Variants in CERCAM observed in about 807,000 individuals in gnomAD.
CERCAM encodes cerebral endothelial cell adhesion molecule, also known as inactive glycosyltransferase 25 family member 3.
Under a neutral mutation model 66.0 loss-of-function variants are expected in CERCAM, and 59 were observed. The ratio of observed to expected loss-of-function variants is 0.89; its 90% CI spans 0.73 to 1.11. The LOEUF is 1.11. CERCAM is among the 50% of genes most tolerant of loss of function. The pLI is 0.00. For missense variants in CERCAM, 840 were observed against 828.3 expected, an observed-to-expected ratio of 1.01 and a Z score of -0.17; for synonymous variants, 318 against 343.6, an observed-to-expected ratio of 0.93 and a Z score of 0.83.
intron 9 of CERCAM, among the ~76,000 whole-genome samples, chr9:128,432,624 G>C (rs537540282): frequency 5.3e-5 from 8 of 150,572 alleles, no homozygotes; most frequent in Non-Finnish European, 8.9e-5. Context: ...GAGCTCAAGT[G>C]ATTCCACCCA....
intron 9 of CERCAM, chr9:128,431,906 G>C (rs1184884011): frequency 2.6e-5 from 4 of 152,922 alleles, no homozygotes; most frequent in Non-Finnish European, 1.5e-5. Flanking sequence ...CACGGCAGGA[G>C]AGAATGGGAA....
At chr9:128,426,489 G>A (rs1024909360) in intron 5 of CERCAM, among the ~76,000 whole-genome samples, 35 of 151,672 alleles carry the variant, frequency 2.3e-4, no homozygotes, top group Non-Finnish European at 3.7e-4. Flanking sequence ...GCATGGTGGC[G>A]GGTGCCTATA....
chr9:128,425,815 CTTTTTTTTTTT>C (rs75397129), intron 5 of CERCAM, among the ~76,000 whole-genome samples: 9 of 107,440 alleles, frequency 8.4e-5, no homozygotes, highest in Non-Finnish European at 1.2e-4. Context: ...CCAGCCCAGC[CTTTTTTTTTTT>C]TTTTTTTTTT....
rs879106625 is a variant in CERCAM at position 128,422,997 on chromosome 9, G to T, written c.308+19G>T. 5 of 1,613,516 alleles carry T rather than the reference G, an allele frequency of 3.1e-6. No individual in the cohort carries two copies. The South Asian group carries it at 5.5e-5, about 18-fold the overall frequency. Reference sequence around the variant, plus strand: ...AGCCCAGGTGGTGATCTGAGGGGAAGGGTGCTGGGGAAGATGGAGAACAGC... The same window carrying T: ...AGCCCAGGTGGTGATCTGAGGGGAATGGTGCTGGGGAAGATGGAGAACAGC... On this transcript the variant is annotated intron_variant, in intron 2 of 12. Transcript: ENST00000372838.
At chr9:128,424,035 G>A (rs1833776603) in intron 3 of CERCAM, 103 bp from the exon 4 acceptor site, 1 of 1,331,966 alleles carries the variant, frequency 7.5e-7, no homozygotes, top group African/African-American at 1.5e-5. Context: ...ATTCCCACTG[G>A]ATCCTAGGAG....
At position 128,435,720 on chromosome 9, in the gene CERCAM, G is replaced by A; in HGVS notation, c.1603G>A (p.Ala535Thr). 1.9e-6 allele frequency: 3 copies of A among 1,613,592 alleles called. No individual in the cohort carries two copies. Among genetic ancestry groups the A allele is most frequent in the Non-Finnish European group, 2.5e-6 (3 of 1,179,908 alleles). ...CTTCTCCGCCCAGCCCCTGCTCGCT[G>A]CCCCTACCCACTATGCCGGGGACGC... is the stretch of plus-strand genomic sequence containing the variant. ...VAFSAQPLLAAPTHYAGDAEW... is the reference protein window; with the variant it reads ...VAFSAQPLLATPTHYAGDAEW... The change falls in exon 12 of 13, where the codon GCC becomes ACC. Residue 535 changes from alanine to threonine, a missense_variant. Coordinates refer to ENST00000372838, the MANE Select transcript of CERCAM (RefSeq NM_016174.5).
rs764635532 is a variant in CERCAM, at chr9:128,429,627, TCTCCGTCTGTTGCC to T, written c.1070+607_1070+620del. ...TTTTATTTTTTTTTTAGAGACAGCG[TCTCCGTCTGTTGCC>T]CTCCGTCTGTTGCCCAGGCTGGAGT... On this transcript the variant is annotated intron_variant, in intron 8 of 12. Coordinates refer to ENST00000372838, the MANE Select transcript of CERCAM (RefSeq NM_016174.5). Among the ~76,000 whole-genome samples the T allele has an allele frequency of 1.6e-3, 251 of 152,156 alleles. 1 individual carries two copies. The highest frequency in any genetic ancestry group is 7.1e-3 in the East Asian group (37 of 5,180).
rs781545820 is a variant in CERCAM, at chr9:128,434,109, C to T, written c.1211C>T (p.Ala404Val). Residue 404 changes from alanine to valine, a missense_variant, in exon 10 of 13, where the codon GCC (alanine) becomes GTC (valine). Physicochemically the swap from Ala to Val is moderately conservative, Grantham distance 64 (BLOSUM62 0). Transcript: ENST00000372838. The surrounding 1 kb of genome is among the most constrained non-coding windows in gnomAD (Gnocchi z 4.5). The stretch of plus-strand genomic sequence containing the variant: ...CCCCATTGTATGCCACAGGTGGTTG[C>T]CAGGGGCCTGGCCCGGGTCCTGGTG... ...SHYSIWEEVV[A>V]RGLARVLVFE... 1.2e-6 allele frequency: 2 copies of T among 1,614,070 alleles called. No individual in the cohort carries two copies. The highest frequency in any genetic ancestry group is 1.1e-5 in the South Asian group (1 of 91,070).
At chr9:128,427,445 G>C (rs2131333959) in intron 5 of CERCAM, among the ~76,000 whole-genome samples, 1 of 152,016 alleles carries the variant, frequency 6.6e-6, no homozygotes, top group South Asian at 2.1e-4. Flanking sequence ...CTGTGTGCCT[G>C]CCCCTGAGGA....
intron 1 of CERCAM, chr9:128,421,278 AG>A: frequency 8.1e-7 from 1 of 1,230,108 alleles, no homozygotes; most frequent in Non-Finnish European, 1.0e-6. Flanking sequence ...CTGAGGCCAC[AG>A]GCCGACGCGG....
In CERCAM at chr9:128,429,054, G is replaced by A. The variant is rs371098210; in HGVS notation, c.1070+18G>A. 4.5e-6 allele frequency: 7 copies of A among 1,565,640 alleles called. No homozygotes were observed. The African/African-American group carries it at 9.4e-5, about 21-fold the overall frequency. ...GATGGCTGGTGAGCCTGCCTGGTGG[G>A]GGGGGCCCTGTGCGCTTGGGGAAGC... On this transcript the variant is annotated intron_variant, in intron 8 of 12. Coordinates refer to ENST00000372838, the MANE Select transcript of CERCAM (RefSeq NM_016174.5).
chr9:128,434,537 C>A lies in CERCAM; in HGVS notation c.1459C>A (p.Leu487Met), dbSNP rs1042392790. 6.2e-7 allele frequency: 1 copy of A among 1,612,476 alleles called. No individual in the cohort carries two copies. Among genetic ancestry groups the A allele is most frequent in the African/African-American group, 1.3e-5 (1 of 74,928 alleles). The change falls in exon 11 of 13, where the codon CTG becomes ATG. Residue 487 changes from leucine to methionine, a missense_variant. By Grantham distance (15) the Leu-to-Met change is conservative. Transcript: ENST00000372838. This position sits in a 1 kb window ranked among gnomAD's most constrained non-coding sequence, Gnocchi z 4.5. ...CCTGCGTCTGGCGGGTGCCCGCAAG[C>A]TGCTGGCCTCACAGCCTCTGCGCCG... ...YALRLAGARK[L>M]LASQPLRRML... is the part of the protein sequence containing the mutation.
At chr9:128,431,551 AG>A (rs1833977526) in intron 9 of CERCAM, 2 of 494,098 alleles carry the variant, frequency 4.0e-6, no homozygotes, top group Non-Finnish European at 7.2e-6. Flanking sequence ...AGAGGAGGAC[AG>A]GAACAATGCA....
chr9:128,425,049 TTTG>T (rs767922006), intron 5 of CERCAM, among the ~76,000 whole-genome samples: 5 of 141,566 alleles, frequency 3.5e-5, no homozygotes, highest in African/African-American at 5.3e-5. Flanking sequence ...TGAAAGGTTT[TTTG>T]TTGTTGTTGT....
In CERCAM at chr9:128,420,963, C is replaced by T. The variant is rs1041231675; in HGVS notation, c.86C>T (p.Pro29Leu). The change falls in exon 1 of 13, where the codon CCG becomes CTG. Residue 29 changes from proline to leucine, a missense_variant. Physicochemically the swap from Pro to Leu is moderately conservative, Grantham distance 98 (BLOSUM62 -3). Transcript: ENST00000372838. The surrounding 1 kb of genome is among the most constrained non-coding windows in gnomAD (Gnocchi z 5.0). Reference protein sequence around the residue: ...WLEAAGVAESPLPAVVLAILA... With the variant: ...WLEAAGVAESLLPAVVLAILA... The stretch of plus-strand genomic sequence containing the variant: ...GAGGCTGCGGGCGTTGCGGAGTCGC[C>T]GCTGCCCGCCGTGGTCCTTGCCATC... 10 of 1,465,966 alleles carry T rather than the reference C, an allele frequency of 6.8e-6. No homozygotes were observed. Among genetic ancestry groups the T allele is most frequent in the African/African-American group, 5.8e-5 (4 of 68,486 alleles). 90.8% of individuals were successfully genotyped at this position (1,465,966 alleles called of 1,614,324 possible).
intron 5 of CERCAM, chr9:128,427,763 T>C (rs1308524726): frequency 6.9e-6 from 1 of 144,066 alleles, no homozygotes; most frequent in Non-Finnish European, 1.5e-5. Context: ...GGACTCCATC[T>C]CAAAAAAAAA....
chr9:128,431,212 T>G lies in CERCAM; in HGVS notation c.1112T>G (p.Leu371Arg), dbSNP rs1361050052. Reference sequence around the variant, plus strand: ...GCCATCAGGAACCTCGGCGTAGACCTGCTCCCGGGCTACCAGGACCCTTAC... The same window carrying G: ...GCCATCAGGAACCTCGGCGTAGACCGGCTCCCGGGCTACCAGGACCCTTAC... Reference protein sequence around the residue: ...SSAIRNLGVDLLPGYQDPYSG... With the variant: ...SSAIRNLGVDRLPGYQDPYSG... The change falls in exon 9 of 13, where the codon CTG becomes CGG. Residue 371 changes from leucine to arginine, a missense_variant. Leu to Arg is a moderately radical substitution (Grantham distance 102). Coordinates refer to ENST00000372838, the MANE Select transcript of CERCAM (RefSeq NM_016174.5). 6.2e-7 allele frequency: 1 copy of G among 1,614,052 alleles called. No individual in the cohort carries two copies. The highest frequency in any genetic ancestry group is 1.1e-5 in the South Asian group (1 of 91,086).
In CERCAM at chr9:128,424,180, C is replaced by A. The variant is rs758861240; in HGVS notation, c.469C>A (p.Arg157=). The A allele has an allele frequency of 6.2e-7, 1 of 1,614,052 alleles. No individual in the cohort carries two copies. Among genetic ancestry groups the A allele is most frequent in the African/African-American group, 1.3e-5 (1 of 74,932 alleles). The change falls in exon 4 of 13, where the codon CGG becomes AGG. Residue 157 remains arginine, a synonymous_variant. Coordinates refer to ENST00000372838, the MANE Select transcript of CERCAM (RefSeq NM_016174.5). Reference sequence around the variant, plus strand: ...CATTCTGACCAACAATCAGACTCTGCGGCTTCTCATGGGGCAGGGGCTTCC... The same window carrying A: ...CATTCTGACCAACAATCAGACTCTGAGGCTTCTCATGGGGCAGGGGCTTCC... The part of the protein sequence containing the change: ...DNILTNNQTL[R]LLMGQGLPVV...
intron 9 of CERCAM, among the ~76,000 whole-genome samples, chr9:128,432,822 C>A (rs571065714): frequency 6.6e-6 from 1 of 151,680 alleles, no homozygotes; most frequent in Non-Finnish European, 1.5e-5. Context: ...GGTCTTCCCA[C>A]CCCCCACCCA....
Sources: allele counts gnomAD v4.1 joint callset (sites outside exome capture counted in the v4.1 genomes callset), GRCh38; gene constraint gnomAD v4.1.1; non-coding constraint Gnocchi (gnomAD v3.1); transcripts MANE v1.5; gene names NCBI Gene and HGNC (gene_info 2026-07-23, HGNC 2026-07-21).